TIAM2: variants seen among roughly 807,000 people sequenced by gnomAD.
TIAM2 encodes the protein TIAM Rac1 associated GEF 2.
Under a neutral mutation model 152.9 loss-of-function variants are expected in TIAM2, and 80 were observed. That is an observed-to-expected ratio of 0.52 (90% confidence interval 0.44 to 0.63). TIAM2 has a LOEUF of 0.63. Ranked by LOEUF, TIAM2 falls within the 30% of genes least tolerant of loss-of-function variation. TIAM2 has a pLI of 0.00. For missense variants in TIAM2, 1,965 were observed against 2,120.1 expected (o/e 0.93, Z 1.44); for synonymous variants, 804 against 838.0 (o/e 0.96, Z 0.70).
At chr6:155,083,054 A>C (rs909017511) in intron 1 of TIAM2, among the ~76,000 whole-genome samples, 15 of 152,102 alleles carry the variant, frequency 9.9e-5, no homozygotes, top group African/African-American at 3.6e-4. Flanking sequence ...GCTGGAAAAG[A>C]AGTAGAGGTG....
intron 1 of TIAM2, chr6:155,016,415 A>C (rs781084737): frequency 2.6e-5 from 4 of 151,790 alleles, no homozygotes; most frequent in Non-Finnish European, 5.9e-5. Context: ...AAGGATAAAA[A>C]AATTATTGTG....
intron 15 of TIAM2, among the ~76,000 whole-genome samples, chr6:155,227,227 C>T (rs1171897469): frequency 6.6e-6 from 1 of 152,202 alleles, no homozygotes; most frequent in African/African-American, 2.4e-5. Context: ...TCCATTTCCA[C>T]AACTGTTTCA....
chr6:155,145,594 T>C (rs1313923073), intron 6 of TIAM2, among the ~76,000 whole-genome samples: 2 of 152,194 alleles, frequency 1.3e-5, no homozygotes, highest in African/African-American at 4.8e-5. Flanking sequence ...GAAGTGTGCT[T>C]CTTAAATGTC....
chr6:155,118,181 C>T (rs1331005657), intron 2 of TIAM2, among the ~76,000 whole-genome samples: 1 of 152,116 alleles, frequency 6.6e-6, no homozygotes, highest in South Asian at 2.1e-4. Flanking sequence ...CTCCCTCAGC[C>T]TGCCTTTTCC....
chr6:155,113,589 T>C (rs1384322275), intron 2 of TIAM2, among the ~76,000 whole-genome samples: 1 of 152,066 alleles, frequency 6.6e-6, no homozygotes, highest in Non-Finnish European at 1.5e-5. Context: ...CTGGGCGTTA[T>C]GGTGGGCTCC....
intron 1 of TIAM2, among the ~76,000 whole-genome samples, chr6:155,019,038 T>C (rs1011218672): frequency 6.0e-5 from 8 of 133,024 alleles, no homozygotes; most frequent in Non-Finnish European, 9.7e-5. Flanking sequence ...AGACTCCATC[T>C]AAAAAAAAAA....
chr6:155,161,808 C>T (rs1179428406), intron 7 of TIAM2, among the ~76,000 whole-genome samples: 1 of 151,820 alleles, frequency 6.6e-6, no homozygotes, highest in Non-Finnish European at 1.5e-5. Flanking sequence ...GAACTCCTGA[C>T]CTCCAATGAT....
At position 155,183,425 on chromosome 6, in the gene TIAM2, A is replaced by G. The variant is rs367717658; in HGVS notation, c.2989A>G (p.Ser997Gly). 7.4e-6 allele frequency: 12 copies of G among 1,614,068 alleles called. No homozygotes were observed. The African/African-American group carries it at 1.1e-4, about 14-fold the overall frequency. Residue 997 changes from serine (S) to glycine (G), a missense_variant, in exon 14 of 27, where the codon AGT (serine) becomes GGT (glycine). By Grantham distance (56) the Ser-to-Gly change is moderately conservative (BLOSUM62 0). This residue lies in a region of TIAM2 where 935 missense variants were observed against 980.0 expected (regional missense o/e 0.95). Transcript: ENST00000682666. Reference protein sequence around the residue: ...DSDLFSRDQKSLLPPPNQSQL... With the variant: ...DSDLFSRDQKGLLPPPNQSQL... ...TGACCTGTTCTCCAGGGACCAGAAG[A>G]GTCTGCTGCCCCCTCCTAACCAGTC... is the stretch of plus-strand genomic sequence containing the variant.
chr6:154,997,704 G>A (rs1384934398), intron 1 of TIAM2, among the ~76,000 whole-genome samples: 1 of 117,982 alleles, frequency 8.5e-6, no homozygotes, highest in Non-Finnish European at 1.6e-5. Flanking sequence ...GCAGTGATAT[G>A]ATCTCAGCTC....
In TIAM2 at chr6:155,249,969, G is replaced by A. The variant is rs199966755; in HGVS notation, c.3951G>A (p.Glu1317=). The A allele has an allele frequency of 6.2e-6, 10 of 1,610,962 alleles. No homozygotes were observed. Among genetic ancestry groups the A allele is most frequent in the Non-Finnish European group, 6.8e-6 (8 of 1,178,378 alleles). ...CTGAGCAGAGCGGAACAGAGAAGGAGGTCCGTGAGACATCTGCACCCTGGG... is the reference window on the plus strand; with the variant it reads ...CTGAGCAGAGCGGAACAGAGAAGGAAGTCCGTGAGACATCTGCACCCTGGG... ...LVAEQSGTEK[E]VTELSMGELL... Residue 1317 remains glutamate, a splice_region_variant and synonymous_variant, in exon 21 of 27, where the codon GAG becomes GAA. Coordinates refer to ENST00000682666, the MANE Select transcript of TIAM2 (RefSeq NM_012454.4).
At chr6:155,003,082 G>C (rs1224043610) in intron 1 of TIAM2, among the ~76,000 whole-genome samples, 1 of 152,098 alleles carries the variant, frequency 6.6e-6, no homozygotes, top group Non-Finnish European at 1.5e-5. Context: ...TGTGTGAAGT[G>C]TTCATTGAAA....
chr6:155,183,269 A>C lies in TIAM2; in HGVS notation c.2833A>C (p.Asn945His), dbSNP rs1487924125. ...AAAGGGCAATGAGATCATGACCTTA[A>C]ATGGGGAAGCTGTGTCTGATCTTGA... Reference protein sequence around the residue: ...LRKGNEIMTLNGEAVSDLDLK... With the variant: ...LRKGNEIMTLHGEAVSDLDLK... The change falls in exon 14 of 27, where the codon AAT becomes CAT. Residue 945 changes from asparagine to histidine, a missense_variant. Asn to His is a moderately conservative substitution (Grantham distance 68, BLOSUM62 1). This residue lies in a region of TIAM2 where 935 missense variants were observed against 980.0 expected (regional missense o/e 0.95). Coordinates refer to ENST00000682666, the MANE Select transcript of TIAM2 (RefSeq NM_012454.4). 6.2e-7 allele frequency: 1 copy of C among 1,614,014 alleles called. No individual in the cohort carries two copies. Among genetic ancestry groups the C allele is most frequent in the Non-Finnish European group, 8.5e-7 (1 of 1,180,048 alleles).
At chr6:155,163,330 T>C (rs956037799) in intron 7 of TIAM2, among the ~76,000 whole-genome samples, 1 of 152,226 alleles carries the variant, frequency 6.6e-6, no homozygotes, top group African/African-American at 2.4e-5. Context: ...TTCTGCTGAG[T>C]CCCTGTGTTG....
At chr6:155,091,738 T>G (rs1300896545) in intron 2 of TIAM2, among the ~76,000 whole-genome samples, 1 of 152,200 alleles carries the variant, frequency 6.6e-6, no homozygotes, top group African/African-American at 2.4e-5. Flanking sequence ...AAGTAGTATC[T>G]AATTAGCCTT....
rs192888047 is a variant in TIAM2 at position 155,207,119 on chromosome 6, C to T, written c.3065-4085C>T. ...CTTACTCCCTTTAGCAGCTGGTGCT[C>T]AGGATGTGGGCAGAATATAAGGGGG... On this transcript the variant is annotated intron_variant, in intron 14 of 26. Transcript: ENST00000682666. 4.5e-4 allele frequency among the ~76,000 whole-genome samples: 68 copies of T among 152,258 alleles called. 1 individual carries two copies. In the East Asian group the frequency reaches 0.013, roughly 28 times the overall value.
At chr6:155,075,982 A>C (rs73792681) in intron 1 of TIAM2, among the ~76,000 whole-genome samples, 3,075 of 152,266 alleles carry the variant, frequency 0.02, 102 homozygotes, top group African/African-American at 0.07. Context: ...CCGAATACCC[A>C]CATCAGCTGT....
intron 14 of TIAM2, among the ~76,000 whole-genome samples, chr6:155,199,808 A>G (rs1781436863): frequency 6.6e-6 from 1 of 152,232 alleles, no homozygotes; most frequent in African/African-American, 2.4e-5. Context: ...AGGCTTCCTA[A>G]TAATAGCAGG....
intron 1 of TIAM2, among the ~76,000 whole-genome samples, chr6:155,007,389 CTTT>C (rs35138795): frequency 7.0e-6 from 1 of 143,772 alleles, no homozygotes. Context: ...TTCTTTCTTT[CTTT>C]TTTTTTTTTT....
intron 1 of TIAM2, among the ~76,000 whole-genome samples, chr6:155,057,040 T>C (rs1353708804): frequency 3.7e-5 from 5 of 135,940 alleles, no homozygotes; most frequent in Non-Finnish European, 7.8e-5. Context: ...TTTTTTTTTT[T>C]TTTTTTGAGA....
Sources: gnomAD v4.1 joint callset for allele counts (sites outside exome capture counted in the v4.1 genomes callset) on GRCh38, gnomAD v4.1.1 for gene constraint, gnomAD v4.1.1 regional missense constraint, MANE v1.5 for transcripts, NCBI Gene and HGNC (gene_info 2026-07-23, HGNC 2026-07-21) for gene names.